Variants in NARS2 observed in about 807,000 individuals in gnomAD.
The protein encoded by NARS2 is asparaginyl-tRNA synthetase 2, mitochondrial.
Under a neutral mutation model 62.9 loss-of-function variants are expected in NARS2, and 60 were observed. The ratio of observed to expected loss-of-function variants is 0.95; its 90% CI spans 0.77 to 1.18. The LOEUF is 1.18. Ranked by LOEUF, NARS2 falls within the 50% of genes most tolerant of loss-of-function variation. NARS2 has a pLI of 0.00. For missense variants in NARS2, 619 were observed against 576.4 expected, an observed-to-expected ratio of 1.07 and a Z score of -0.76; for synonymous variants, 196 against 200.0, an observed-to-expected ratio of 0.98 and a Z score of 0.17.
At chr11:78,533,681 C>G (rs962084674) in intron 5 of NARS2, among the ~76,000 whole-genome samples, 1 of 152,174 alleles carries the variant, frequency 6.6e-6, no homozygotes, top group African/African-American at 2.4e-5. Context: ...AGTGTCAGAG[C>G]ATATCACTCA....
rs1860780524 is a variant in NARS2 at position 78,513,237 on chromosome 11, G to A, written c.689+15605C>T. On this transcript the variant is annotated intron_variant, in intron 6 of 13. Transcript: ENST00000281038. ...TGCACTCTAGCCTGGGTGACGGAGT[G>A]AGACTGTCTCAAAAATAAAATAAAA... Among the ~76,000 whole-genome samples, 5 of 152,090 alleles carry A rather than the reference G, an allele frequency of 3.3e-5. No homozygotes were observed. In the South Asian group the frequency reaches 8.3e-4, roughly 25 times the overall value.
chr11:78,574,782 A>T lies in NARS2; in HGVS notation c.-294T>A. 5.0e-6 allele frequency: 2 copies of T among 397,716 alleles called. No homozygotes were observed. The highest frequency in any genetic ancestry group is 9.1e-6 in the Non-Finnish European group (2 of 219,720). The allele number at this position is 397,716 out of a possible 1,614,324, so 24.6% of individuals were successfully genotyped here. ...GCGCCCCACTACCCGCGACAATTGT[A>T]AACCTACGAACAGAACCCGGGCCGC... On this transcript the variant is annotated 5_prime_UTR_variant, in exon 1 of 14. Coordinates refer to ENST00000281038, the MANE Select transcript of NARS2 (RefSeq NM_024678.6).
At chr11:78,461,977 C>CA (rs1438906834) in intron 11 of NARS2, among the ~76,000 whole-genome samples, 1 of 151,864 alleles carries the variant, frequency 6.6e-6, no homozygotes, top group Non-Finnish European at 1.5e-5. Flanking sequence ...AGAAAGAAAG[C>CA]AAAACTCATT....
chr11:78,481,186 A>G (rs1258619648), intron 7 of NARS2, among the ~76,000 whole-genome samples: 2 of 152,148 alleles, frequency 1.3e-5, no homozygotes, highest in Admixed American at 1.3e-4. Flanking sequence ...GAATGTATAG[A>G]TTCTAAACTA....
intron 5 of NARS2, among the ~76,000 whole-genome samples, chr11:78,555,782 T>C (rs1856329604): frequency 6.6e-6 from 1 of 152,222 alleles, no homozygotes; most frequent in Non-Finnish European, 1.5e-5. Context: ...AGGTTGTTAA[T>C]CTGAGAACTT....
At chr11:78,439,898 A>G (rs939081087) in intron 13 of NARS2, among the ~76,000 whole-genome samples, 2 of 152,204 alleles carry the variant, frequency 1.3e-5, no homozygotes, top group East Asian at 1.9e-4. Flanking sequence ...AAGGAAAACC[A>G]AAACAACTTT....
intron 5 of NARS2, among the ~76,000 whole-genome samples, chr11:78,531,960 T>C (rs1861496763): frequency 6.6e-6 from 1 of 152,204 alleles, no homozygotes; most frequent in African/African-American, 2.4e-5. Flanking sequence ...AGGTGGCAGT[T>C]GTAAAATACT....
intron 11 of NARS2, among the ~76,000 whole-genome samples, chr11:78,444,300 T>C (rs1281976654): frequency 6.6e-6 from 1 of 152,182 alleles, no homozygotes; most frequent in East Asian, 1.9e-4. Context: ...TGTTTTTTCT[T>C]ATAATGTGGC....
At chr11:78,513,326 TA>T (rs1860784653) in intron 6 of NARS2, among the ~76,000 whole-genome samples, 2 of 147,196 alleles carry the variant, frequency 1.4e-5, no homozygotes, top group Non-Finnish European at 3.0e-5. Context: ...TATAAAATAC[TA>T]AGGTCTTATT....
rs1242128004 is a variant in NARS2 at position 78,494,471 on chromosome 11, T to TC, written c.690-1277_690-1276insG. ...ATATATATAAGTTTTTTCTTTTTCT[T>TC]TTTTTTTTTTTTTTTAGTAAAGATA... On this transcript the variant is annotated intron_variant, in intron 6 of 13. Coordinates refer to ENST00000281038, the MANE Select transcript of NARS2 (RefSeq NM_024678.6). Among the ~76,000 whole-genome samples the TC allele has an allele frequency of 6.1e-5, 9 of 146,420 alleles. No homozygotes were observed. The South Asian group carries it at 1.5e-3, about 24-fold the overall frequency.
At chr11:78,533,902 T>C (rs1464095014) in intron 5 of NARS2, among the ~76,000 whole-genome samples, 3 of 152,210 alleles carry the variant, frequency 2.0e-5, no homozygotes, top group Admixed American at 6.5e-5. Flanking sequence ...TCATACAATA[T>C]GTAGCCTTTT....
chr11:78,572,742 T>C (rs1856975735), intron 1 of NARS2, among the ~76,000 whole-genome samples: 1 of 152,230 alleles, frequency 6.6e-6, no homozygotes, highest in Non-Finnish European at 1.5e-5. Flanking sequence ...AAAATTTCTT[T>C]TTGTGGCCAC....
chr11:78,490,319 A>C (rs1055807560), intron 7 of NARS2, among the ~76,000 whole-genome samples: 2 of 152,116 alleles, frequency 1.3e-5, no homozygotes, highest in Non-Finnish European at 2.9e-5. Context: ...AACCCTTTTT[A>C]ATCAGTTCCC....
intron 6 of NARS2, among the ~76,000 whole-genome samples, chr11:78,497,420 C>G (rs547604542): frequency 6.6e-6 from 1 of 152,186 alleles, no homozygotes; most frequent in African/African-American, 2.4e-5. Flanking sequence ...AACAGAGGAA[C>G]TGCTATTCTT....
intron 6 of NARS2, among the ~76,000 whole-genome samples, chr11:78,525,770 A>C (rs1861273604): frequency 6.6e-6 from 1 of 152,110 alleles, no homozygotes; most frequent in Non-Finnish European, 1.5e-5. Context: ...ATTTTCAGTA[A>C]AGAAACTTGG....
intron 7 of NARS2, among the ~76,000 whole-genome samples, chr11:78,483,829 T>C (rs574813756): frequency 6.6e-6 from 1 of 152,300 alleles, no homozygotes; most frequent in African/African-American, 2.4e-5. Flanking sequence ...AAGTAATTTA[T>C]AGATTCAATG....
At chr11:78,554,148 A>G (rs1856239057) in intron 5 of NARS2, among the ~76,000 whole-genome samples, 1 of 152,152 alleles carries the variant, frequency 6.6e-6, no homozygotes, top group Non-Finnish European at 1.5e-5. Context: ...GGAGCCTTGT[A>G]GTATAGTTGG....
At chr11:78,454,806 GAC>G (rs1565208486) in intron 11 of NARS2, among the ~76,000 whole-genome samples, 1 of 152,020 alleles carries the variant, frequency 6.6e-6, no homozygotes, top group East Asian at 1.9e-4. Flanking sequence ...TTTTAGTAGA[GAC>G]AGGTTTCACC....
chr11:78,549,905 C>A (rs927003172), intron 5 of NARS2, among the ~76,000 whole-genome samples: 1 of 152,074 alleles, frequency 6.6e-6, no homozygotes, highest in Non-Finnish European at 1.5e-5. Context: ...TAAAATACCT[C>A]CTACAGGCCC....
Sources: allele counts gnomAD v4.1 joint callset (sites outside exome capture counted in the v4.1 genomes callset), GRCh38; gene constraint gnomAD v4.1.1; transcripts MANE v1.5; gene names NCBI Gene and HGNC (gene_info 2026-07-23, HGNC 2026-07-21).